The following PBRM1 variants were observed in gnomAD, a reference collection of about 807,000 sequenced individuals.
The protein encoded by PBRM1 is protein polybromo-1.
PBRM1 carries 27 observed loss-of-function variants against 194.5 expected under a neutral mutation model. That is an observed-to-expected ratio of 0.14 (90% CI 0.10 to 0.19). PBRM1 has a LOEUF of 0.19. Ranked by LOEUF, PBRM1 falls within the 10% of genes least tolerant of loss-of-function variation. The pLI is 1.00. For missense variants in PBRM1, 1,466 were observed against 2,077.2 expected (o/e 0.71, Z 5.72); for synonymous variants, 655 against 693.2 (o/e 0.94, Z 0.87).
chr3:52,595,223 T>C (rs1226807964), intron 17 of PBRM1, among the ~76,000 whole-genome samples: 1 of 152,112 alleles, frequency 6.6e-6, no homozygotes, highest in Admixed American at 6.5e-5. Context: ...TTTTATCCTA[T>C]TTGATGACCT....
intron 10 of PBRM1, among the ~76,000 whole-genome samples, chr3:52,639,831 A>G (rs1340200577): frequency 6.6e-6 from 1 of 152,080 alleles, no homozygotes; most frequent in Non-Finnish European, 1.5e-5. Flanking sequence ...TCAGCCTCTA[A>G]AAGTGCTGGG....
chr3:52,582,241 C>CA (rs71084194), intron 20 of PBRM1, among the ~76,000 whole-genome samples: 39,869 of 91,088 alleles, frequency 0.44, 7,591 homozygotes, highest in Middle Eastern at 0.53. Flanking sequence ...GACTCCGTTT[C>CA]AAAAAAAAAA....
At chr3:52,644,545 C>T (rs1313203575) in intron 8 of PBRM1, among the ~76,000 whole-genome samples, 159 bp downstream of exon 9, 1 of 151,918 alleles carries the variant, frequency 6.6e-6, no homozygotes, top group Non-Finnish European at 1.5e-5. Context: ...CCACCACGCC[C>T]GGCTAATTTT....
chr3:52,672,985 T>A (rs897651903), intron 2 of PBRM1, among the ~76,000 whole-genome samples: 1 of 152,068 alleles, frequency 6.6e-6, no homozygotes, highest in Non-Finnish European at 1.5e-5. Flanking sequence ...TAATTTTTTT[T>A]ATTAATTTTT....
At chr3:52,561,209 T>C (rs944645141) in intron 25 of PBRM1, among the ~76,000 whole-genome samples, 4 of 152,158 alleles carry the variant, frequency 2.6e-5, no homozygotes, top group Admixed American at 1.3e-4. Flanking sequence ...GTGATTTAAT[T>C]AGAATAAAAG....
intron 17 of PBRM1, among the ~76,000 whole-genome samples, chr3:52,592,294 G>A (rs368260251): frequency 8.4e-4 from 127 of 151,900 alleles, no homozygotes; most frequent in African/African-American, 2.9e-3. Context: ...ACCACACCTG[G>A]CTAATTTTTG....
At chr3:52,651,786 T>C in exon 6 of PBRM1, 1 of 1,605,594 alleles carries the variant, frequency 6.2e-7, no homozygotes, top group East Asian at 2.2e-5. Context: ...GGCTCCTTAA[T>C]TATTGCATAA....
intron 2 of PBRM1, among the ~76,000 whole-genome samples, chr3:52,676,719 A>G (rs2097113064): frequency 1.3e-5 from 2 of 152,344 alleles, no homozygotes; most frequent in Middle Eastern, 3.4e-3. Context: ...TGGAGGGCTC[A>G]GAAGAAGACA....
chr3:52,644,710 C>T (rs185448951), exon 8 of PBRM1: 15 of 1,533,832 alleles, frequency 9.8e-6, no homozygotes, highest in East Asian at 2.3e-5. Flanking sequence ...CTACCTCATT[C>T]GAAGACTTGA....
chr3:52,573,485 G>A (rs1040034663), intron 22 of PBRM1, among the ~76,000 whole-genome samples: 3 of 151,952 alleles, frequency 2.0e-5, no homozygotes, highest in Non-Finnish European at 2.9e-5. Context: ...GTAAAGATGG[G>A]GTTTCACCAC....
chr3:52,596,002 G>T (rs1039677472), intron 17 of PBRM1, among the ~76,000 whole-genome samples: 2 of 152,212 alleles, frequency 1.3e-5, no homozygotes, highest in Admixed American at 6.5e-5. Context: ...TGGTATATTT[G>T]TCTGTTTTTA....
intron 22 of PBRM1, 85 bp from the exon 25 acceptor site, chr3:52,564,318 G>A: frequency 1.0e-6 from 1 of 959,934 alleles, no homozygotes; most frequent in Non-Finnish European, 1.6e-6. Context: ...ATTTTTGGAT[G>A]AATACATTCA....
chr3:52,548,298 T>A (rs2079969630), intron 29 of PBRM1, 63 bp from the exon 32 acceptor site: 2 of 1,298,990 alleles, frequency 1.5e-6, no homozygotes, highest in Non-Finnish European at 2.1e-6. Context: ...TTCCCTCAGT[T>A]CTAAGGTCTG....
chr3:52,553,488 C>CTT (rs35486235), intron 27 of PBRM1, among the ~76,000 whole-genome samples: 49 of 128,968 alleles, frequency 3.8e-4, no homozygotes, highest in Non-Finnish European at 4.9e-4. Context: ...TAATGTCAGG[C>CTT]TTTTTTTTTT....
chr3:52,566,530 T>A (rs111847586), intron 22 of PBRM1, among the ~76,000 whole-genome samples: 6 of 152,238 alleles, frequency 3.9e-5, no homozygotes, highest in African/African-American at 1.4e-4. Context: ...CTTGAAAACA[T>A]TAGGCTAAGT....
At chr3:52,684,167 CAAAAAAAAAAAAAA>C (rs66702174), upstream of PBRM1, among the ~76,000 whole-genome samples, 2 of 75,710 alleles carry the variant, frequency 2.6e-5, no homozygotes, top group African/African-American at 1.1e-4. Flanking sequence ...GACCTTGTCT[CAAAAAAAAAAAAAA>C]AAAAAAAAAA....
chr3:52,549,630 C>T (rs1424107855), intron 29 of PBRM1, among the ~76,000 whole-genome samples: 2 of 152,022 alleles, frequency 1.3e-5, no homozygotes, highest in East Asian at 1.9e-4. Context: ...TTAGGCAGGG[C>T]GCTGTGACTC....
exon 3 of PBRM1, chr3:52,668,627 A>G (rs376609924): frequency 8.2e-6 from 13 of 1,577,896 alleles, no homozygotes; most frequent in East Asian, 4.5e-5. Context: ...AAACCACTTC[A>G]TAATAGTCTG....
At chr3:52,643,548 G>C (rs544729473) in intron 8 of PBRM1, among the ~76,000 whole-genome samples, 1 of 152,276 alleles carries the variant, frequency 6.6e-6, no homozygotes, top group African/African-American at 2.4e-5. Flanking sequence ...GAGAGCTTTT[G>C]GTCACTGCAG....
Sources: gnomAD v4.1 joint callset for allele counts (sites outside exome capture counted in the v4.1 genomes callset) on GRCh38, gnomAD v4.1.1 for gene constraint, MANE v1.5 for transcripts, NCBI Gene and HGNC (gene_info 2026-07-23, HGNC 2026-07-21) for gene names.